The following CRTAC1 variants were observed in gnomAD, a reference collection of about 807,000 sequenced individuals.
The protein encoded by CRTAC1 is cartilage acidic protein 1.
Under a neutral mutation model 67.8 loss-of-function variants are expected in CRTAC1, and 37 were observed. That is an observed-to-expected ratio of 0.55 (90% CI 0.42 to 0.72). The LOEUF is 0.72. Ranked by LOEUF, CRTAC1 falls within the 30% of genes least tolerant of loss-of-function variation. The pLI is 0.00. For synonymous variants in CRTAC1, 348 were observed against 371.0 expected, an observed-to-expected ratio of 0.94 and a Z score of 0.71; for missense variants, 780 against 931.6, an observed-to-expected ratio of 0.84 and a Z score of 2.12.
At chr10:97,891,230 TC>T (rs1309184579) in intron 11 of CRTAC1, among the ~76,000 whole-genome samples, 4 of 152,250 alleles carry the variant, frequency 2.6e-5, no homozygotes, top group Non-Finnish European at 5.9e-5. Context: ...GAGTAATTTT[TC>T]TTCTTTTAAA....
chr10:97,926,990 C>A (rs552400335), intron 3 of CRTAC1, among the ~76,000 whole-genome samples: 4 of 152,326 alleles, frequency 2.6e-5, no homozygotes, highest in African/African-American at 9.6e-5. Flanking sequence ...AGCTTCATCC[C>A]TGAGATGCCT....
chr10:97,977,423 C>G (rs2051825383), intron 2 of CRTAC1, among the ~76,000 whole-genome samples: 1 of 152,160 alleles, frequency 6.6e-6, no homozygotes. Context: ...CTCTGCTCAC[C>G]CAATGGGGCA....
chr10:97,929,004 C>T (rs540825292), intron 3 of CRTAC1, among the ~76,000 whole-genome samples: 2 of 152,022 alleles, frequency 1.3e-5, no homozygotes, highest in East Asian at 3.9e-4. Flanking sequence ...AGCGAGTGGC[C>T]ACTATTTTAG....
At chr10:98,022,104 C>A (rs975524693) in intron 1 of CRTAC1, among the ~76,000 whole-genome samples, 2 of 151,964 alleles carry the variant, frequency 1.3e-5, no homozygotes, top group African/African-American at 4.8e-5. Flanking sequence ...ACCTGTAATC[C>A]CAGCATTTTG....
chr10:97,996,855 T>C (rs1842582596), intron 2 of CRTAC1, among the ~76,000 whole-genome samples: 2 of 151,856 alleles, frequency 1.3e-5, no homozygotes, highest in Admixed American at 6.6e-5. Flanking sequence ...CAATGATAGA[T>C]TGGATTAAGA....
chr10:97,951,994 C>T (rs1430225841), intron 2 of CRTAC1, among the ~76,000 whole-genome samples: 3 of 152,170 alleles, frequency 2.0e-5, no homozygotes, highest in African/African-American at 7.2e-5. Flanking sequence ...TGGTCTGGAT[C>T]AGCCTGACTC....
intron 2 of CRTAC1, among the ~76,000 whole-genome samples, chr10:97,948,531 A>C (rs2051300177): frequency 6.6e-6 from 1 of 152,166 alleles, no homozygotes; most frequent in Non-Finnish European, 1.5e-5. Flanking sequence ...TGTGAGCAAG[A>C]GGAAAAGACC....
chr10:97,969,821 T>C (rs997302882), intron 2 of CRTAC1, among the ~76,000 whole-genome samples: 2 of 152,100 alleles, frequency 1.3e-5, no homozygotes, highest in African/African-American at 4.8e-5. Flanking sequence ...GGCTTAGTCA[T>C]TGGGTATCTC....
chr10:98,022,265 G>T (rs1454915132), intron 1 of CRTAC1, among the ~76,000 whole-genome samples: 1 of 151,902 alleles, frequency 6.6e-6, no homozygotes, highest in Non-Finnish European at 1.5e-5. Context: ...TGAGGCAGGG[G>T]AATCACTTGA....
intron 3 of CRTAC1, among the ~76,000 whole-genome samples, chr10:97,926,666 T>C (rs962028516): frequency 4.6e-5 from 7 of 152,166 alleles, no homozygotes; most frequent in Non-Finnish European, 1.0e-4. Context: ...GTAGGATAAA[T>C]AAAGCCTATA....
intron 6 of CRTAC1, 69 bp downstream of exon 6, chr10:97,907,944 C>T (rs1264777391): frequency 1.3e-6 from 2 of 1,556,064 alleles, no homozygotes; most frequent in African/African-American, 2.7e-5. Context: ...GGGGGCAGGG[C>T]AGTCTGGAGT....
chr10:97,928,084 A>T (rs2050949003), intron 3 of CRTAC1, among the ~76,000 whole-genome samples: 1 of 152,232 alleles, frequency 6.6e-6, no homozygotes, highest in African/African-American at 2.4e-5. Flanking sequence ...TGGGAGAAAC[A>T]GGAGAGCATT....
intron 1 of CRTAC1, among the ~76,000 whole-genome samples, chr10:98,019,363 C>T (rs151277795): frequency 2.6e-5 from 4 of 152,300 alleles, no homozygotes; most frequent in African/African-American, 4.8e-5. Flanking sequence ...TTCTCCACCA[C>T]GGCGATTTTG....
intron 2 of CRTAC1, among the ~76,000 whole-genome samples, chr10:97,990,962 A>G (rs1448380419): frequency 6.6e-6 from 1 of 152,080 alleles, no homozygotes; most frequent in Non-Finnish European, 1.5e-5. Context: ...ATATAGGTCT[A>G]ATTAAAAAAT....
intron 12 of CRTAC1, 81 bp downstream of exon 12, chr10:97,884,125 T>G: frequency 6.8e-7 from 1 of 1,479,514 alleles, no homozygotes; most frequent in South Asian, 1.3e-5. Flanking sequence ...GTTTGCAGAT[T>G]CCTGGGAACC....
Position 97,865,352 on chromosome 10 carries a change from G to A in CRTAC1, c.*196C>T. 1.7e-6 allele frequency: 1 copy of A among 589,806 alleles called. No individual in the cohort carries two copies. The highest frequency in any genetic ancestry group is 3.9e-5 in the South Asian group (1 of 25,818). The allele number at this position is 589,806 out of a possible 1,614,324, so 36.5% of individuals were successfully genotyped here. A position where few individuals can be genotyped will look rare whatever the true frequency, so the allele number is the denominator to read the frequency against. On this transcript the variant is annotated 3_prime_UTR_variant, in exon 15 of 15. Coordinates refer to ENST00000370597, the MANE Select transcript of CRTAC1 (RefSeq NM_018058.7). ...CATCAGGGCAGCGACCCTGTCTGCT[G>A]TGATCACAGCTATGTGCCCAGCACA...
chr10:97,980,172 A>C (rs186931184), intron 2 of CRTAC1, among the ~76,000 whole-genome samples: 15 of 152,316 alleles, frequency 9.8e-5, no homozygotes. Flanking sequence ...GCTAAGGATA[A>C]ATTAGAAGAT....
At chr10:97,903,404 A>C (rs2050568162) in intron 7 of CRTAC1, among the ~76,000 whole-genome samples, 1 of 151,500 alleles carries the variant, frequency 6.6e-6, no homozygotes, top group Non-Finnish European at 1.5e-5. Flanking sequence ...AGTAGAATAA[A>C]GGTGGAAATC....
At chr10:97,990,994 T>C (rs1842439566) in intron 2 of CRTAC1, among the ~76,000 whole-genome samples, 2 of 147,068 alleles carry the variant, frequency 1.4e-5, no homozygotes, top group South Asian at 4.2e-4. Flanking sequence ...CTGGGCATGA[T>C]AGCTTATACC....
Sources: allele counts gnomAD v4.1 joint callset (sites outside exome capture counted in the v4.1 genomes callset), GRCh38; gene constraint gnomAD v4.1.1; transcripts MANE v1.5; gene names NCBI Gene and HGNC (gene_info 2026-07-23, HGNC 2026-07-21).